CTNND2: variants seen among roughly 807,000 people sequenced by gnomAD.
The protein encoded by CTNND2 is catenin delta 2, also known as catenin delta-2.
A neutral mutation model predicts 144.4 loss-of-function variants in CTNND2; 22 were observed. That is an observed-to-expected ratio of 0.15 (90% CI 0.11 to 0.22). The LOEUF is 0.22. Among genes scored for constraint, CTNND2 ranks in the 10% least tolerant of loss-of-function variants. CTNND2 has a pLI of 1.00. For missense variants in CTNND2, 1,353 were observed against 1,618.8 expected, an observed-to-expected ratio of 0.84 and a Z score of 2.82; for synonymous variants, 751 against 695.6, an observed-to-expected ratio of 1.08 and a Z score of -1.25.
At chr5:11,128,958 TATATATA>T (rs1755084025) in intron 12 of CTNND2, among the ~76,000 whole-genome samples, 1 of 46,708 alleles carries the variant, frequency 2.1e-5, no homozygotes, top group Non-Finnish European at 4.3e-5. Context: ...AATATATAAA[TATATATA>T]ATATATAATA....
At chr5:11,860,912 C>T (rs1561865939) in intron 1 of CTNND2, among the ~76,000 whole-genome samples, 1 of 152,166 alleles carries the variant, frequency 6.6e-6, no homozygotes, top group Non-Finnish European at 1.5e-5. Context: ...GGTTTTCTCT[C>T]AATAAAACAT....
intron 7 of CTNND2, among the ~76,000 whole-genome samples, chr5:11,366,691 A>C (rs543955890): frequency 3.3e-4 from 50 of 151,042 alleles, no homozygotes; most frequent in Non-Finnish European, 5.9e-4. Context: ...AAAAAAAAAA[A>C]ACAGTCATCA....
chr5:11,237,361 T>C (rs1237435840), intron 9 of CTNND2, among the ~76,000 whole-genome samples: 3 of 152,196 alleles, frequency 2.0e-5, no homozygotes, highest in Non-Finnish European at 4.4e-5. Context: ...CTACATATAT[T>C]GGTTTTATAG....
chr5:11,757,147 A>G (rs1315916753), intron 1 of CTNND2, among the ~76,000 whole-genome samples: 2 of 151,746 alleles, frequency 1.3e-5, no homozygotes, highest in Non-Finnish European at 2.9e-5. Flanking sequence ...ACACATATAC[A>G]TACATACATG....
At chr5:11,611,833 C>T (rs1217913854) in intron 2 of CTNND2, among the ~76,000 whole-genome samples, 1 of 152,150 alleles carries the variant, frequency 6.6e-6, no homozygotes, top group African/African-American at 2.4e-5. Context: ...GATAAGCACA[C>T]TATCTAGATA....
chr5:11,547,839 G>A (rs115504457), intron 3 of CTNND2, among the ~76,000 whole-genome samples: 93 of 152,288 alleles, frequency 6.1e-4, no homozygotes, highest in African/African-American at 2.0e-3. Flanking sequence ...TTGCATTATG[G>A]AGAGAAGTTG....
chr5:11,693,452 T>A (rs1785000311), intron 2 of CTNND2, among the ~76,000 whole-genome samples: 1 of 152,240 alleles, frequency 6.6e-6, no homozygotes, highest in Non-Finnish European at 1.5e-5. Flanking sequence ...AATCACAGTT[T>A]TTTGTTTTTG....
At chr5:11,053,689 T>A (rs1024617) in intron 16 of CTNND2, among the ~76,000 whole-genome samples, 71,657 of 152,068 alleles carry the variant, frequency 0.47, 17,586 homozygotes, top group East Asian at 0.79. Context: ...ATTTTGGTAA[T>A]TAAAGCTTAG....
intron 3 of CTNND2, among the ~76,000 whole-genome samples, chr5:11,546,507 G>A (rs918096465): frequency 6.6e-6 from 1 of 152,094 alleles, no homozygotes; most frequent in African/African-American, 2.4e-5. Flanking sequence ...AATTACTAGA[G>A]GTAATTAGCA....
At chr5:11,053,564 C>T (rs1366624799) in intron 16 of CTNND2, among the ~76,000 whole-genome samples, 1 of 152,188 alleles carries the variant, frequency 6.6e-6, no homozygotes, top group African/African-American at 2.4e-5. Flanking sequence ...ATTAAAGACG[C>T]AGCACTGTTA....
intron 1 of CTNND2, among the ~76,000 whole-genome samples, chr5:11,886,486 C>T (rs1382747091): frequency 1.3e-5 from 2 of 151,776 alleles, no homozygotes; most frequent in African/African-American, 2.4e-5. Context: ...CAAGATTGAA[C>T]CATGAAGAAA....
At chr5:11,724,769 T>G (rs891253218) in intron 2 of CTNND2, among the ~76,000 whole-genome samples, 1 of 152,228 alleles carries the variant, frequency 6.6e-6, no homozygotes, top group African/African-American at 2.4e-5. Flanking sequence ...TAATTTTAAT[T>G]TTTAATTTGA....
intron 9 of CTNND2, among the ~76,000 whole-genome samples, chr5:11,304,952 CCTTGCTTG>C (rs70949314): frequency 5.0e-4 from 75 of 151,380 alleles, no homozygotes; most frequent in African/African-American, 1.8e-3. Flanking sequence ...TTATGTGCTT[CCTTGCTTG>C]CTTGCTTGCT....
At chr5:11,295,736 G>C (rs1373525578) in intron 9 of CTNND2, among the ~76,000 whole-genome samples, 1 of 152,106 alleles carries the variant, frequency 6.6e-6, no homozygotes, top group Non-Finnish European at 1.5e-5. Flanking sequence ...ATGGGGAAAG[G>C]ATTCCCTATT....
At chr5:11,580,956 C>T (rs1033550018) in intron 2 of CTNND2, among the ~76,000 whole-genome samples, 1 of 152,104 alleles carries the variant, frequency 6.6e-6, no homozygotes, top group Non-Finnish European at 1.5e-5. Context: ...TTGCATTGCC[C>T]TCTTGTTTTC....
chr5:11,229,150 A>C (rs898788366), intron 10 of CTNND2, among the ~76,000 whole-genome samples: 2 of 152,172 alleles, frequency 1.3e-5, no homozygotes, highest in African/African-American at 4.8e-5. Context: ...ATTTCTATCA[A>C]AAAGAAAGGA....
chr5:11,302,865 T>A (rs1230388370), intron 9 of CTNND2, among the ~76,000 whole-genome samples: 1 of 152,174 alleles, frequency 6.6e-6, no homozygotes, highest in Non-Finnish European at 1.5e-5. Context: ...AGAGGGAAGT[T>A]AGGAGGAGGA....
At chr5:11,286,418 T>C (rs187826176) in intron 9 of CTNND2, among the ~76,000 whole-genome samples, 29 of 152,302 alleles carry the variant, frequency 1.9e-4, no homozygotes, top group Middle Eastern at 3.4e-3. Context: ...GGTAGGTGCT[T>C]GTATTAGACT....
intron 15 of CTNND2, among the ~76,000 whole-genome samples, chr5:11,091,230 T>C (rs1398579144): frequency 6.6e-6 from 1 of 152,218 alleles, no homozygotes; most frequent in Non-Finnish European, 1.5e-5. Flanking sequence ...TAGCTTCTAT[T>C]GTCTTCAAGT....
Sources: allele counts gnomAD v4.1 joint callset (sites outside exome capture counted in the v4.1 genomes callset), GRCh38; gene constraint gnomAD v4.1.1; transcripts MANE v1.5; gene names NCBI Gene and HGNC (gene_info 2026-07-23, HGNC 2026-07-21).